SIPA1L1: variants seen among roughly 807,000 people sequenced by gnomAD.
SIPA1L1 encodes signal induced proliferation associated 1 like 1.
A neutral mutation model predicts 162.7 loss-of-function variants in SIPA1L1; 26 were observed. The observed-to-expected ratio is 0.16, with a 90% CI of 0.12 to 0.22. The LOEUF is 0.22. Among genes scored for constraint, SIPA1L1 ranks in the 10% least tolerant of loss-of-function variants. SIPA1L1 has a pLI of 1.00. For synonymous variants in SIPA1L1, 829 were observed against 837.4 expected, an observed-to-expected ratio of 0.99 and a Z score of 0.17; for missense variants, 1,874 against 2,241.0, an observed-to-expected ratio of 0.84 and a Z score of 3.31.
chr14:71,350,114 C>G (rs1224789511), intron 2 of SIPA1L1, among the ~76,000 whole-genome samples: 2 of 151,998 alleles, frequency 1.3e-5, no homozygotes, highest in African/African-American at 4.8e-5. Context: ...GTCTCGAACT[C>G]CTATTCGTGA....
intron 2 of SIPA1L1, among the ~76,000 whole-genome samples, chr14:71,379,241 G>A (rs954743118): frequency 2.0e-5 from 3 of 150,662 alleles, no homozygotes; most frequent in Admixed American, 6.6e-5. Context: ...TGTCATTTCC[G>A]GAGGGAATGG....
intron 2 of SIPA1L1, among the ~76,000 whole-genome samples, chr14:71,498,137 G>A (rs2049935103): frequency 6.6e-6 from 1 of 152,162 alleles, no homozygotes; most frequent in Non-Finnish European, 1.5e-5. Flanking sequence ...TACCTCTTTG[G>A]TGGAGTGTCC....
At chr14:71,723,337 G>A (rs1342643009) in intron 17 of SIPA1L1, among the ~76,000 whole-genome samples, 1 of 152,210 alleles carries the variant, frequency 6.6e-6, no homozygotes, top group Non-Finnish European at 1.5e-5. Flanking sequence ...TCTTGCCACT[G>A]CCAGACTTCC....
rs761764356 is a variant in SIPA1L1 at position 71,588,221 on chromosome 14, A to T, written c.349A>T (p.Ser117Cys). Residue 117 changes from serine (S) to cysteine (C), a missense_variant, in exon 5 of 24, where the codon AGT becomes TGT. Physicochemically the swap from Ser to Cys is moderately radical, Grantham distance 112. This residue lies in a region of SIPA1L1 where 685 missense variants were observed against 828.0 expected (regional missense o/e 0.83). Coordinates refer to ENST00000381232, the MANE Select transcript of SIPA1L1 (RefSeq NM_001386936.1). The surrounding 1 kb of genome is among the most constrained non-coding windows in gnomAD (Gnocchi z 4.3). Reference sequence around the variant, plus strand: ...CCTGTCCTCCAAAAGCAGTCCTGTGAGTCAGGGAAGTTCTGTTAGCCTCAA... The same window carrying T: ...CCTGTCCTCCAAAAGCAGTCCTGTGTGTCAGGGAAGTTCTGTTAGCCTCAA... The part of the protein sequence containing the change: ...DSLSSKSSPV[S>C]QGSSVSLNSN... 57 of 1,614,044 alleles carry T rather than the reference A, an allele frequency of 3.5e-5. No homozygotes were observed. The highest frequency in any genetic ancestry group is 4.7e-5 in the Non-Finnish European group (55 of 1,180,006).
intron 2 of SIPA1L1, among the ~76,000 whole-genome samples, chr14:71,389,893 C>T (rs143653162): frequency 2.9e-4 from 44 of 152,196 alleles, no homozygotes; most frequent in African/African-American, 7.2e-4. Flanking sequence ...TAATATCCAG[C>T]GGACAAGTGC....
intron 15 of SIPA1L1, among the ~76,000 whole-genome samples, chr14:71,703,587 A>G (rs1304004853): frequency 1.3e-5 from 2 of 152,224 alleles, no homozygotes; most frequent in Non-Finnish European, 2.9e-5. Context: ...AAACCTGAGC[A>G]TATTCTGATC....
intron 2 of SIPA1L1, among the ~76,000 whole-genome samples, chr14:71,408,000 T>G (rs1464488877): frequency 6.6e-6 from 1 of 152,168 alleles, no homozygotes; most frequent in Non-Finnish European, 1.5e-5. Context: ...AAAGATGAAC[T>G]AAGGTTACAA....
Position 71,712,528 on chromosome 14 carries a change from A to G in SIPA1L1, c.4208+2864A>G, listed in dbSNP as rs72729979. ...TTTCAGATCTTAAAATGAACCACTG[A>G]AAAAAAAAAGATTAGTGGTAAGCCT... On this transcript the variant is annotated intron_variant, in intron 17 of 23. Coordinates refer to ENST00000381232, the MANE Select transcript of SIPA1L1 (RefSeq NM_001386936.1). Among the ~76,000 whole-genome samples the G allele has an allele frequency of 5.8e-3, 826 of 143,466 alleles. 5 individuals are homozygous for G. Among genetic ancestry groups the G allele is most frequent in the Non-Finnish European group, 8.5e-3 (571 of 67,206 alleles). 94.1% of individuals were successfully genotyped at this position (143,466 alleles called of 152,430 possible).
chr14:71,613,383 G>A (rs1218896405), intron 5 of SIPA1L1, among the ~76,000 whole-genome samples: 2 of 148,918 alleles, frequency 1.3e-5, no homozygotes, highest in Non-Finnish European at 3.0e-5. Flanking sequence ...TTTTTTTTTG[G>A]TTGATATGAT....
chr14:71,634,285 C>T (rs541047582), intron 7 of SIPA1L1, among the ~76,000 whole-genome samples: 1 of 151,646 alleles, frequency 6.6e-6, no homozygotes, highest in South Asian at 2.1e-4. Context: ...ACCTGTAATC[C>T]CAGCTACTCG....
intron 5 of SIPA1L1, among the ~76,000 whole-genome samples, chr14:71,611,410 G>T (rs1023587060): frequency 2.0e-5 from 3 of 152,002 alleles, no homozygotes; most frequent in African/African-American, 7.2e-5. Flanking sequence ...TTAATTTAAT[G>T]TTATGTTATG....
intron 4 of SIPA1L1, among the ~76,000 whole-genome samples, chr14:71,573,118 G>A (rs2032390348): frequency 6.6e-6 from 1 of 152,178 alleles, no homozygotes; most frequent in African/African-American, 2.4e-5. Context: ...GCTGTTCTTG[G>A]GACTGAAGAA....
intron 2 of SIPA1L1, among the ~76,000 whole-genome samples, chr14:71,450,456 C>A (rs2045731590): frequency 6.6e-6 from 1 of 152,128 alleles, no homozygotes; most frequent in Middle Eastern, 3.2e-3. Context: ...CTTTCTATAT[C>A]ATTAAGTGTT....
intron 2 of SIPA1L1, among the ~76,000 whole-genome samples, chr14:71,342,410 C>G (rs1225503378): frequency 6.6e-6 from 1 of 152,178 alleles, no homozygotes; most frequent in African/African-American, 2.4e-5. Flanking sequence ...AAACTGCTTT[C>G]CACAGTGGCT....
At chr14:71,515,755 A>T (rs888150322) in intron 3 of SIPA1L1, among the ~76,000 whole-genome samples, 5 of 152,132 alleles carry the variant, frequency 3.3e-5, no homozygotes, top group African/African-American at 1.2e-4. Context: ...CTCCTGTCTC[A>T]GCCTCCCAAA....
At chr14:71,407,498 C>CTTCCCTCCCTTCCCTCCT (rs2042107433) in intron 2 of SIPA1L1, among the ~76,000 whole-genome samples, 1 of 115,976 alleles carries the variant, frequency 8.6e-6, no homozygotes, top group Non-Finnish European at 1.9e-5. Flanking sequence ...CCCTTCCTTC[C>CTTCCCTCCCTTCCCTCCT]TTCCCTCCCT....
chr14:71,339,902 T>TA (rs1357285510), intron 2 of SIPA1L1, among the ~76,000 whole-genome samples: 1 of 152,230 alleles, frequency 6.6e-6, no homozygotes, highest in African/African-American at 2.4e-5. Flanking sequence ...GAGTTCCTGT[T>TA]ACAGAATTTC....
rs369354951 is a variant in SIPA1L1, at chr14:71,740,383, C to T, written c.*1222C>T. On this transcript the variant is annotated 3_prime_UTR_variant, in exon 24 of 24. Coordinates refer to ENST00000381232, the MANE Select transcript of SIPA1L1 (RefSeq NM_001386936.1). ...CTTGTGATGCAGGCTGCTTTGGGCC[C>T]CTGGGTCACTCTTCCAAGGCTGCTG... 9.2e-5 allele frequency: 14 copies of T among 152,312 alleles called. 1 individual carries two copies. The highest frequency in any genetic ancestry group is 3.4e-4 in the African/African-American group (14 of 41,538). 9.4% of individuals were successfully genotyped at this position (152,312 alleles called of 1,614,324 possible). A position where few individuals can be genotyped will look rare whatever the true frequency, so the allele number is the denominator to read the frequency against.
At chr14:71,536,727 C>G (rs2053938641) in intron 4 of SIPA1L1, among the ~76,000 whole-genome samples, 1 of 152,178 alleles carries the variant, frequency 6.6e-6, no homozygotes, top group African/African-American at 2.4e-5. Context: ...CAGTCCCTTC[C>G]ATTGAGAGAC....
Sources: allele counts gnomAD v4.1 joint callset (sites outside exome capture counted in the v4.1 genomes callset), GRCh38; gene constraint gnomAD v4.1.1; regional missense constraint gnomAD v4.1.1; non-coding constraint Gnocchi (gnomAD v3.1); transcripts MANE v1.5; gene names NCBI Gene and HGNC (gene_info 2026-07-23, HGNC 2026-07-21).